Variants in PRKCH observed in about 807,000 individuals in gnomAD.
The protein encoded by PRKCH is protein kinase C eta type.
A neutral mutation model predicts 82.5 loss-of-function variants in PRKCH; 28 were observed. The ratio of observed to expected loss-of-function variants is 0.34; its 90% CI spans 0.25 to 0.47. The LOEUF (loss-of-function observed/expected upper bound fraction) is 0.47. Among genes scored for constraint, PRKCH ranks in the 20% least tolerant of loss-of-function variants. PRKCH has a pLI of 1.00. For synonymous variants in PRKCH, 322 were observed against 327.4 expected (o/e 0.98, Z 0.18); for missense variants, 705 against 881.8 (o/e 0.80, Z 2.54).
chr14:61,442,893 G>A, intron 2 of PRKCH: 1 of 432,706 alleles, frequency 2.3e-6, no homozygotes, highest in Non-Finnish European at 4.1e-6. Flanking sequence ...AGCCATGATT[G>A]AGCCACTGCA....
intron 10 of PRKCH, among the ~76,000 whole-genome samples, chr14:61,505,395 C>CTTTTTTTTTTT (rs60304150): frequency 1.6e-4 from 9 of 55,760 alleles, no homozygotes; most frequent in African/African-American, 3.2e-4. Flanking sequence ...CTTTTCTTTT[C>CTTTTTTTTTTT]TTTTTTTTTT....
chr14:61,511,753 C>T (rs1887387289), intron 10 of PRKCH, among the ~76,000 whole-genome samples: 2 of 152,204 alleles, frequency 1.3e-5, no homozygotes, highest in South Asian at 4.1e-4. Context: ...ACCTCCTTTG[C>T]ATCAGTGGAA....
Position 61,203,489 on chromosome 14 carries a change from G to T in PRKCH, c.-19+15821G>T, listed in dbSNP as rs146153231. 5.0e-3 allele frequency among the ~76,000 whole-genome samples: 763 copies of T among 152,124 alleles called. 14 individuals are homozygous for T. The highest frequency in any genetic ancestry group is 0.017 in the African/African-American group (706 of 41,464). ...AATGACAGGACTGAAGATTTGTGAG[G>T]ATTTGTGAGGCACTCAAAAATTGCA... On this transcript the variant is annotated intron_variant, in intron 1 of 3. Transcript: ENST00000555185.
intron 9 of PRKCH, among the ~76,000 whole-genome samples, chr14:61,464,783 G>A (rs142876711): frequency 0.024 from 3,729 of 152,234 alleles, 165 homozygotes; most frequent in African/African-American, 0.085. Context: ...TATCCAGTCT[G>A]TCATTGATGG....
chr14:61,468,197 C>T (rs1013247995), intron 9 of PRKCH, among the ~76,000 whole-genome samples: 1 of 152,168 alleles, frequency 6.6e-6, no homozygotes, highest in African/African-American at 2.4e-5. Context: ...TTTCCCTGAG[C>T]AGTGGCTGCT....
At chr14:61,433,413 C>T (rs1381504846) in intron 2 of PRKCH, among the ~76,000 whole-genome samples, 1 of 152,004 alleles carries the variant, frequency 6.6e-6, no homozygotes, top group African/African-American at 2.4e-5. Context: ...AACTAAAGGG[C>T]AGGATTCTTT....
rs1882261387 is a variant in PRKCH at position 61,411,384 on chromosome 14, C to T, written c.427+20096C>T. On this transcript the variant is annotated intron_variant, in intron 2 of 13. Coordinates refer to ENST00000332981, the MANE Select transcript of PRKCH (RefSeq NM_006255.5). Reference sequence around the variant, plus strand: ...ACAGATGTATTTATTAGGCCTTAAACTGATGGGATGGTTCTTGGATTTTTC... The same window carrying T: ...ACAGATGTATTTATTAGGCCTTAAATTGATGGGATGGTTCTTGGATTTTTC... 2.0e-5 allele frequency among the ~76,000 whole-genome samples: 3 copies of T among 152,230 alleles called. No homozygotes were observed. The South Asian group carries it at 6.2e-4, about 31-fold the overall frequency.
chr14:61,459,275 C>T (rs541006412), intron 9 of PRKCH, among the ~76,000 whole-genome samples: 2 of 152,282 alleles, frequency 1.3e-5, no homozygotes, highest in South Asian at 2.1e-4. Context: ...GGGCATCTGA[C>T]TGGTCAGGGA....
At chr14:61,227,625 T>C (rs990073391) in intron 1 of PRKCH, among the ~76,000 whole-genome samples, 4 of 147,152 alleles carry the variant, frequency 2.7e-5, no homozygotes, top group Non-Finnish European at 4.5e-5. Flanking sequence ...TAAATAAAGA[T>C]TGCAGTTGTG....
chr14:61,292,839 A>G (rs1362174846), intron 1 of PRKCH, among the ~76,000 whole-genome samples: 2 of 151,504 alleles, frequency 1.3e-5, no homozygotes, highest in Non-Finnish European at 2.9e-5. Flanking sequence ...TCAGATACTA[A>G]GGAGGCCGAG....
At chr14:61,517,889 G>A (rs112551193) in intron 10 of PRKCH, among the ~76,000 whole-genome samples, 4 of 152,300 alleles carry the variant, frequency 2.6e-5, no homozygotes, top group African/African-American at 9.6e-5. Context: ...CCTGTTCCTG[G>A]CTGGTGGCTC....
At chr14:61,541,231 A>G (rs1285072921) in intron 12 of PRKCH, among the ~76,000 whole-genome samples, 1 of 152,258 alleles carries the variant, frequency 6.6e-6, no homozygotes, top group East Asian at 1.9e-4. Flanking sequence ...CTGGGTCAGA[A>G]TCTGCGTGTG....
At chr14:61,380,367 C>G (rs1453941540) in intron 1 of PRKCH, among the ~76,000 whole-genome samples, 1 of 152,098 alleles carries the variant, frequency 6.6e-6, no homozygotes, top group African/African-American at 2.4e-5. Context: ...GTTGGGATTT[C>G]AGGTGTGAGC....
At chr14:61,218,531 AG>A (rs1472432167) in intron 1 of PRKCH, among the ~76,000 whole-genome samples, 1 of 152,188 alleles carries the variant, frequency 6.6e-6, no homozygotes, top group Non-Finnish European at 1.5e-5. Context: ...CACACTGGCC[AG>A]GTTCACCAAA....
intron 10 of PRKCH, among the ~76,000 whole-genome samples, chr14:61,524,768 G>C (rs184089621): frequency 2.9e-3 from 442 of 152,294 alleles, no homozygotes; most frequent in Non-Finnish European, 4.6e-3. Context: ...ATGAGGATAA[G>C]TGTTCTGCTT....
intron 1 of PRKCH, among the ~76,000 whole-genome samples, chr14:61,384,003 G>A (rs936549477): frequency 3.9e-5 from 6 of 152,122 alleles, no homozygotes; most frequent in African/African-American, 1.2e-4. Context: ...GCTTTAGAGG[G>A]GGAAGTTGAT....
At chr14:61,386,902 G>A (rs2046596184) in intron 1 of PRKCH, among the ~76,000 whole-genome samples, 1 of 152,128 alleles carries the variant, frequency 6.6e-6, no homozygotes, top group Non-Finnish European at 1.5e-5. Flanking sequence ...ACTCAAACTG[G>A]CTAAGACAAA....
intron 1 of PRKCH, among the ~76,000 whole-genome samples, chr14:61,189,790 G>A (rs1457329578): frequency 6.6e-6 from 1 of 151,038 alleles, no homozygotes; most frequent in Admixed American, 6.6e-5. Context: ...AAAATGTAAA[G>A]CAAATGTTCA....
chr14:61,394,281 T>C (rs1176722256), intron 2 of PRKCH, among the ~76,000 whole-genome samples: 1 of 152,112 alleles, frequency 6.6e-6, no homozygotes, highest in Middle Eastern at 3.2e-3. Flanking sequence ...AAAAAAACTG[T>C]TCAGGTTACA....
Sources: gnomAD v4.1 joint callset for allele counts (sites outside exome capture counted in the v4.1 genomes callset) on GRCh38, gnomAD v4.1.1 for gene constraint, MANE v1.5 for transcripts, NCBI Gene and HGNC (gene_info 2026-07-23, HGNC 2026-07-21) for gene names.